KDM2B: variants seen among roughly 807,000 people sequenced by gnomAD.
KDM2B encodes lysine-specific demethylase 2B.
KDM2B carries 26 observed loss-of-function variants against 150.0 expected under a neutral mutation model. That is an observed-to-expected ratio of 0.17 (90% CI 0.13 to 0.24). The LOEUF (loss-of-function observed/expected upper bound fraction) is 0.24, where lower values mean the gene tolerates loss of function less well. KDM2B is among the 10% of genes least tolerant of loss of function. The pLI is 1.00. For missense variants in KDM2B, 1,265 were observed against 1,816.9 expected (o/e 0.70, Z 5.52); for synonymous variants, 734 against 729.5 (o/e 1.01, Z -0.10).
chr12:121,419,258 C>T, the KDM2B span, among the ~76,000 whole-genome samples: 5 of 152,190 alleles, frequency 3.3e-5, no homozygotes, highest in Non-Finnish European at 5.9e-5. Flanking sequence ...TGTACGGCTT[C>T]GTAGCCGGCC....
chr12:121,409,391 C>T, the KDM2B span: 1 of 152,134 alleles, frequency 6.6e-6, no homozygotes, highest in Non-Finnish European at 1.5e-5. Flanking sequence ...AGTATGTTGC[C>T]GAGGCATTAG....
intron 12 of KDM2B, among the ~76,000 whole-genome samples, chr12:121,455,345 C>T (rs1878050812): frequency 6.6e-6 from 1 of 152,204 alleles, no homozygotes; most frequent in South Asian, 2.1e-4. Context: ...ACAGGGAGGG[C>T]AAGCCCTGGA....
intron 22 of KDM2B, among the ~76,000 whole-genome samples, chr12:121,437,280 CAATT>C (rs1555287027): frequency 6.6e-6 from 1 of 151,746 alleles, no homozygotes; most frequent in East Asian, 1.9e-4. Context: ...CAAAATGAGG[CAATT>C]AATAAAAACA....
chr12:121,416,034 G>A, the KDM2B span: 1 of 699,202 alleles, frequency 1.4e-6, no homozygotes, highest in Non-Finnish European at 2.5e-6. Flanking sequence ...TCAGTGCCCA[G>A]AGGAATATAG....
At chr12:121,443,607 C>G in intron 17 of KDM2B, 73 bp downstream of exon 17, 1 of 849,968 alleles carries the variant, frequency 1.2e-6, no homozygotes, top group Non-Finnish European at 2.0e-6. Context: ...GGAGGACCAG[C>G]GGGGTGGGGT....
At chr12:121,525,630 C>A in intron 8 of KDM2B, among the ~76,000 whole-genome samples, 1 of 152,126 alleles carries the variant, frequency 6.6e-6, no homozygotes, top group East Asian at 1.9e-4. Context: ...CTGGCCCTAG[C>A]TGGACTGGCT....
At chr12:121,494,483 G>A in intron 12 of KDM2B, 96 bp downstream of exon 12, 1 of 785,958 alleles carries the variant, frequency 1.3e-6, no homozygotes, top group Non-Finnish European at 2.1e-6. Context: ...ATCTCAGGAG[G>A]CCCCATAGCT....
Position 121,430,069 on chromosome 12 carries a change from G to T in KDM2B, c.*219C>A, listed in dbSNP as rs556062810. 1 of 1,503,062 alleles carries T rather than the reference G, an allele frequency of 6.7e-7. No homozygotes were observed. The highest frequency in any genetic ancestry group is 9.3e-7 in the Non-Finnish European group (1 of 1,078,626). 93.1% of individuals were successfully genotyped at this position (1,503,062 alleles called of 1,614,324 possible). ...TAAAGGCCGCCTTAGAAATGGTCCA[G>T]AAAGCAGTGCAGTTACGATTCAGAA... On this transcript the variant is annotated 3_prime_UTR_variant, in exon 23 of 23. Transcript: ENST00000377071. This position sits in a 1 kb window ranked among gnomAD's most constrained non-coding sequence, Gnocchi z 4.4.
chr12:121,478,495 G>A (rs1277974787), intron 12 of KDM2B, among the ~76,000 whole-genome samples: 4 of 151,212 alleles, frequency 2.6e-5, no homozygotes, highest in Non-Finnish European at 1.5e-5. Flanking sequence ...GAGTAGCTGA[G>A]ACTACAGGCT....
intron 6 of KDM2B, chr12:121,535,975 A>G: frequency 1.1e-6 from 1 of 874,478 alleles, no homozygotes; most frequent in Non-Finnish European, 1.4e-6. Flanking sequence ...ACGCCCATGC[A>G]CCTTGGCACC....
rs546273064 is a variant in KDM2B, at chr12:121,429,793, CTT to C, written c.*493_*494del. ...ATGCATTCAAACCTTGCATAAATAA[CTT>C]TTAAACAATTTGTACAAAAATAGTT... is the stretch of plus-strand genomic sequence containing the variant. On this transcript the variant is annotated 3_prime_UTR_variant, in exon 23 of 23. Coordinates refer to ENST00000377071, the MANE Select transcript of KDM2B (RefSeq NM_032590.5). The C allele has an allele frequency of 9.0e-5, 48 of 536,282 alleles. No homozygotes were observed. The East Asian group carries it at 1.2e-3, about 14-fold the overall frequency. The allele number at this position is 536,282 out of a possible 1,614,324, so 33.2% of individuals were successfully genotyped here.
intron 12 of KDM2B, among the ~76,000 whole-genome samples, chr12:121,455,436 G>A (rs1393681632): frequency 6.6e-6 from 1 of 152,268 alleles, no homozygotes; most frequent in African/African-American, 2.4e-5. Flanking sequence ...AGGGCGCCAG[G>A]AACGGTGGCT....
At position 121,453,105 on chromosome 12, in the gene KDM2B, G is replaced by A. The variant is rs142541530; in HGVS notation, c.1959+15C>T. 5.9e-4 allele frequency: 941 copies of A among 1,590,972 alleles called. 8 individuals are homozygous for A. In the East Asian group the frequency reaches 0.014, roughly 24 times the overall value. On this transcript the variant is annotated intron_variant, in intron 13 of 22. Transcript: ENST00000377071. The surrounding 1 kb of genome is among the most constrained non-coding windows in gnomAD (Gnocchi z 6.4). ...GCCTGAATCGAGCGCAGGGCTGGGCGGGGGCCGCACTCACCGCGATGCACT... is the reference window on the plus strand; with the variant it reads ...GCCTGAATCGAGCGCAGGGCTGGGCAGGGGCCGCACTCACCGCGATGCACT...
intron 12 of KDM2B, among the ~76,000 whole-genome samples, chr12:121,482,530 G>T (rs1431667573): frequency 6.6e-6 from 1 of 151,628 alleles, no homozygotes; most frequent in Non-Finnish European, 1.5e-5. Context: ...TCAATCTCCG[G>T]ACCTCGTGAT....
At chr12:121,556,090 CTAA>C (rs1417803307) in intron 4 of KDM2B, among the ~76,000 whole-genome samples, 7 of 152,028 alleles carry the variant, frequency 4.6e-5, no homozygotes, top group Admixed American at 2.0e-4. Context: ...CCACGCCTGG[CTAA>C]TTTTTTGTAT....
At chr12:121,495,885 G>A (rs1483982569) in intron 11 of KDM2B, among the ~76,000 whole-genome samples, 5 of 151,842 alleles carry the variant, frequency 3.3e-5, no homozygotes, top group African/African-American at 7.3e-5. Context: ...GCAGAAAAAT[G>A]GGCTGCGTTG....
At chr12:121,567,521 C>A (rs941425172) in intron 4 of KDM2B, among the ~76,000 whole-genome samples, 1 of 151,796 alleles carries the variant, frequency 6.6e-6, no homozygotes. Context: ...ACAGCCTGGG[C>A]AACAAAGCAA....
chr12:121,576,988 A>C (rs1232918175), intron 2 of KDM2B, among the ~76,000 whole-genome samples: 1 of 152,220 alleles, frequency 6.6e-6, no homozygotes, highest in African/African-American at 2.4e-5. Flanking sequence ...CCAGGGGCTC[A>C]CAGTGAATGG....
intron 9 of KDM2B, chr12:121,516,692 G>GCGGCACCTGGCCTCAGCCCTTCCT (rs1886227601): frequency 1.6e-6 from 1 of 626,968 alleles, no homozygotes; most frequent in Non-Finnish European, 2.8e-6. Context: ...GGCCCACTCA[G>GCGGCACCTGGCCTCAGCCCTTCCT]CGGCACCTGG....
Sources: allele counts gnomAD v4.1 joint callset (sites outside exome capture counted in the v4.1 genomes callset), GRCh38; gene constraint gnomAD v4.1.1; non-coding constraint Gnocchi (gnomAD v3.1); transcripts MANE v1.5; gene names NCBI Gene and HGNC (gene_info 2026-07-23, HGNC 2026-07-21).